Variants in GPM6B observed in about 807,000 individuals in gnomAD.
GPM6B encodes neuronal membrane glycoprotein M6-b.
Under a neutral mutation model 27.2 loss-of-function variants are expected in GPM6B, and 4 were observed. The ratio of observed to expected loss-of-function variants is 0.15; its 90% CI spans 0.07 to 0.34. The LOEUF is 0.34. GPM6B is among the 10% of genes least tolerant of loss of function. The pLI, the probability that GPM6B is intolerant of heterozygous loss-of-function variation, is 1.00. For missense variants in GPM6B, 183 were observed against 261.9 expected (o/e 0.70, Z 2.08); for synonymous variants, 124 against 103.1 (o/e 1.20, Z -1.23).
intron 1 of GPM6B, among the ~76,000 whole-genome samples, chrX:13,930,533 G>T (rs1284825274): frequency 9.0e-6 from 1 of 111,125 alleles, no homozygotes; most frequent in Non-Finnish European, 1.9e-5. Flanking sequence ...AGAATGGCGT[G>T]AGCCCGGGAG....
intron 1 of GPM6B, among the ~76,000 whole-genome samples, chrX:13,851,183 AAGTT>A (rs1232732930): frequency 9.2e-6 from 1 of 109,227 alleles, no homozygotes; most frequent in Non-Finnish European, 1.9e-5. Context: ...AAAAAAAAAA[AAGTT>A]AGTTAATCTG....
At chrX:13,822,506 C>T (rs2049321709) in intron 1 of GPM6B, among the ~76,000 whole-genome samples, 1 of 110,356 alleles carries the variant, frequency 9.1e-6, no homozygotes, top group African/African-American at 3.3e-5. Context: ...GCTGGGACTA[C>T]AGGCGTGGGG....
chrX:13,808,850 A>C lies in GPM6B; in HGVS notation c.62-1081T>G, dbSNP rs185527953. Among the ~76,000 whole-genome samples, 4 of 111,945 alleles carry C rather than the reference A, an allele frequency of 3.6e-5. No homozygotes were observed. The Admixed American group carries it at 3.8e-4, about 11-fold the overall frequency. The stretch of plus-strand genomic sequence containing the variant: ...AACTCCACTCTCCACAATCTCTGAA[A>C]ACTTGTAAGGTATTTCAAGTTTGGA... On this transcript the variant is annotated intron_variant, in intron 1 of 7. Transcript: ENST00000316715.
chrX:13,774,278 A>G lies in GPM6B; in HGVS notation c.838-1248T>C, dbSNP rs2048364419. 2.3e-6 allele frequency: 2 copies of G among 881,378 alleles called. 1 individual carries two copies. The highest frequency in any genetic ancestry group is 2.8e-6 in the Non-Finnish European group (2 of 714,212). 72.6% of individuals were successfully genotyped at this position (881,378 alleles called of 1,213,427 possible). A position where few individuals can be genotyped will look rare whatever the true frequency, so the allele number is the denominator to read the frequency against. On this transcript the variant is annotated intron_variant, in intron 7 of 7. Coordinates refer to ENST00000316715, the MANE Select transcript of GPM6B (RefSeq NM_001001995.3). ...AGATACTGCTCTCTAATGTTTAAGTATGAGAACATTATTTTAAAAAGGATG... is the reference window on the plus strand; with the variant it reads ...AGATACTGCTCTCTAATGTTTAAGTGTGAGAACATTATTTTAAAAAGGATG...
rs1389188509 is a variant in GPM6B, at chrX:13,909,552, G to A, written c.-198+28775C>T. Among the ~76,000 whole-genome samples, 5 of 111,756 alleles carry A rather than the reference G, an allele frequency of 4.5e-5. No homozygotes were observed. The Admixed American group carries it at 4.8e-4, about 11-fold the overall frequency. On this transcript the variant is annotated intron_variant, in intron 1 of 6. Coordinates refer to the GPM6B transcript ENST00000398361. ...CAGACAGGCTTATTACAAGGATGAT[G>A]ACGAAGATCAACATGATGCTAATCA... is the stretch of plus-strand genomic sequence containing the variant.
intron 1 of GPM6B, among the ~76,000 whole-genome samples, chrX:13,869,832 G>GT (rs1293517910): frequency 1.8e-5 from 2 of 111,749 alleles, no homozygotes; most frequent in Non-Finnish European, 3.8e-5. Flanking sequence ...AATTAGCCTT[G>GT]GCACAATGCT....
At chrX:13,884,817 G>C (rs1487119014) in intron 1 of GPM6B, among the ~76,000 whole-genome samples, 1 of 111,624 alleles carries the variant, frequency 9.0e-6, no homozygotes, top group Non-Finnish European at 1.9e-5. Context: ...AGATAAAAGA[G>C]ACAAAGATGC....
At chrX:13,932,151 C>A (rs55943282) in intron 1 of GPM6B, among the ~76,000 whole-genome samples, 39,965 of 109,968 alleles carry the variant, frequency 0.36, 5,894 homozygotes, top group Non-Finnish European at 0.46. Context: ...TGGTACTTTA[C>A]AATCTGGCCT....
intron 1 of GPM6B, among the ~76,000 whole-genome samples, chrX:13,810,137 A>C (rs1012600350): frequency 2.7e-5 from 3 of 110,478 alleles, no homozygotes; most frequent in Non-Finnish European, 3.8e-5. Context: ...AAGAAAAAAA[A>C]CCCCCAAAAA....
chrX:13,842,117 T>C (rs2049583777), intron 1 of GPM6B, among the ~76,000 whole-genome samples: 1 of 111,979 alleles, frequency 8.9e-6, no homozygotes, highest in South Asian at 3.7e-4. Context: ...TGATCTCTCA[T>C]GGAACAAGGG....
chrX:13,787,427 G>T (rs2048633332), intron 2 of GPM6B, among the ~76,000 whole-genome samples: 1 of 111,512 alleles, frequency 9.0e-6, no homozygotes, highest in Non-Finnish European at 1.9e-5. Context: ...GTGGTGGTGG[G>T]CACCTGTAGT....
upstream of GPM6B, among the ~76,000 whole-genome samples, chrX:13,821,222 T>C (rs1255366966): frequency 8.9e-6 from 1 of 112,076 alleles, no homozygotes; most frequent in African/African-American, 3.2e-5. Flanking sequence ...ACCCTCAAAA[T>C]AGGAGGCTCC....
intron 1 of GPM6B, among the ~76,000 whole-genome samples, chrX:13,885,724 AC>A (rs2050128630): frequency 9.1e-6 from 1 of 109,557 alleles, no homozygotes. Flanking sequence ...TTGTGGTCCC[AC>A]CCCCCTCCAT....
At chrX:13,777,503 G>T in intron 5 of GPM6B, 78 bp from the exon 6 acceptor site, 1 of 617,846 alleles carries the variant, frequency 1.6e-6, no homozygotes, top group Non-Finnish European at 2.8e-6. Context: ...CACTTCGGAT[G>T]CCAGTTACAG....
chrX:13,830,515 G>A (rs1275080955), intron 1 of GPM6B, among the ~76,000 whole-genome samples: 1 of 112,360 alleles, frequency 8.9e-6, no homozygotes, highest in East Asian at 2.8e-4. Context: ...TGTTGAGGAT[G>A]TGCTAATATC....
At chrX:13,896,445 C>T (rs2050233511) in intron 1 of GPM6B, among the ~76,000 whole-genome samples, 2 of 110,162 alleles carry the variant, frequency 1.8e-5, no homozygotes, top group South Asian at 8.0e-4. Flanking sequence ...AGATATTAAC[C>T]CTCATGCTTA....
At position 13,807,706 on chromosome X, in the gene GPM6B, T is replaced by C. The variant is rs760403173; in HGVS notation, c.125A>G (p.His42Arg). The change falls in exon 2 of 8, where the codon CAC (histidine) becomes CGC (arginine). Residue 42 changes from histidine (H) to arginine (R), a missense_variant. His to Arg is a conservative substitution (Grantham distance 29). Coordinates refer to ENST00000316715, the MANE Select transcript of GPM6B (RefSeq NM_001001995.3). ...YHWMYPGSKNHQYHPVPTLGD... is the reference protein window; with the variant it reads ...YHWMYPGSKNRQYHPVPTLGD... ...CAGGGTTGGCACGGGATGGTACTGGTGGTTCTTTGAGCCTGGGTACATCCA... is the reference window on the plus strand; with the variant it reads ...CAGGGTTGGCACGGGATGGTACTGGCGGTTCTTTGAGCCTGGGTACATCCA... 1.8e-5 allele frequency: 22 copies of C among 1,204,580 alleles called. No homozygotes were observed. The South Asian group carries it at 3.9e-4, about 21-fold the overall frequency.
chrX:13,853,688 C>G (rs1379999298), intron 1 of GPM6B, among the ~76,000 whole-genome samples: 3 of 108,921 alleles, frequency 2.8e-5, no homozygotes, highest in East Asian at 2.8e-4. Flanking sequence ...CAGGAGATAT[C>G]GCATGGGCAC....
chrX:13,793,564 T>C (rs1360365949), intron 2 of GPM6B, among the ~76,000 whole-genome samples: 2 of 112,135 alleles, frequency 1.8e-5, no homozygotes, highest in African/African-American at 3.2e-5. Context: ...ATAATTCTGG[T>C]CTCAGACATT....
Sources: gnomAD v4.1 joint callset for allele counts (sites outside exome capture counted in the v4.1 genomes callset) on GRCh38, gnomAD v4.1.1 for gene constraint, MANE v1.5 for transcripts, NCBI Gene and HGNC (gene_info 2026-07-23, HGNC 2026-07-21) for gene names.